CHODL: variants seen among roughly 807,000 people sequenced by gnomAD.
CHODL encodes transmembrane protein MT75.
A neutral mutation model predicts 34.5 loss-of-function variants in CHODL; 29 were observed. That is an observed-to-expected ratio of 0.84 (90% CI 0.63 to 1.15). CHODL has a LOEUF of 1.15. CHODL is among the 50% of genes most tolerant of loss of function. The pLI is 0.00. For synonymous variants in CHODL, 125 were observed against 116.1 expected (o/e 1.08, Z -0.49); for missense variants, 332 against 332.5 (o/e 1.00, Z 0.01).
chr21:18,254,517 C>T (rs1156502498), intron 1 of CHODL, among the ~76,000 whole-genome samples: 1 of 152,004 alleles, frequency 6.6e-6, no homozygotes, highest in Non-Finnish European at 1.5e-5. Flanking sequence ...CAGAGGTGAA[C>T]AAAAGCAGAA....
intron 2 of CHODL, among the ~76,000 whole-genome samples, chr21:18,233,400 G>C (rs1426210450): frequency 6.6e-6 from 1 of 152,014 alleles, no homozygotes; most frequent in South Asian, 2.1e-4. Context: ...ACATCCTTTT[G>C]CTGCAATTTC....
intron 2 of CHODL, among the ~76,000 whole-genome samples, chr21:18,090,832 A>G (rs2065064553): frequency 6.6e-6 from 1 of 152,056 alleles, no homozygotes; most frequent in South Asian, 2.1e-4. Flanking sequence ...CCACTGATGG[A>G]ACACCAAATT....
upstream of CHODL, among the ~76,000 whole-genome samples, chr21:18,240,991 G>A (rs2074076694): frequency 6.6e-6 from 1 of 152,116 alleles, no homozygotes; most frequent in South Asian, 2.1e-4. Flanking sequence ...CCCCTAGACA[G>A]CCCTGCAAAA....
chr21:18,087,423 T>C (rs1465249911), intron 2 of CHODL, among the ~76,000 whole-genome samples: 1 of 152,134 alleles, frequency 6.6e-6, no homozygotes, highest in African/African-American at 2.4e-5. Flanking sequence ...ACCTTGGGCA[T>C]GTGACAAGAG....
At chr21:18,091,387 A>G (rs1156316961) in intron 2 of CHODL, among the ~76,000 whole-genome samples, 1 of 152,196 alleles carries the variant, frequency 6.6e-6, no homozygotes, top group African/African-American at 2.4e-5. Flanking sequence ...AGGTATGGTT[A>G]AGGAAGGGCT....
intron 1 of CHODL, among the ~76,000 whole-genome samples, chr21:17,999,920 T>C (rs1167080756): frequency 6.6e-6 from 1 of 152,200 alleles, no homozygotes; most frequent in African/African-American, 2.4e-5. Flanking sequence ...CTGAGCCTTT[T>C]AAAGTTAATT....
chr21:18,251,923 A>G (rs9975042), intron 1 of CHODL, among the ~76,000 whole-genome samples: 19,728 of 151,428 alleles, frequency 0.13, 1,396 homozygotes, highest in African/African-American at 0.18. Context: ...ATATGTACCC[A>G]TGAACTTAAA....
chr21:17,998,512 C>A (rs2063873339), intron 1 of CHODL, among the ~76,000 whole-genome samples: 1 of 152,254 alleles, frequency 6.6e-6, no homozygotes, highest in African/African-American at 2.4e-5. Context: ...ACTGCCCTAG[C>A]AGATGTTCTT....
At chr21:18,251,158 A>C (rs115871023) in intron 1 of CHODL, among the ~76,000 whole-genome samples, 1 of 151,180 alleles carries the variant, frequency 6.6e-6, no homozygotes, top group Non-Finnish European at 1.5e-5. Context: ...TGCCAAGAGC[A>C]TTTAAACCTC....
At chr21:17,923,908 G>C (rs760654382) in intron 1 of CHODL, among the ~76,000 whole-genome samples, 1 of 152,244 alleles carries the variant, frequency 6.6e-6, no homozygotes, top group Non-Finnish European at 1.5e-5. Context: ...ACTTACTTGA[G>C]TTTTGAAACA....
intron 2 of CHODL, among the ~76,000 whole-genome samples, chr21:18,159,430 G>T (rs1378571384): frequency 6.6e-6 from 1 of 151,942 alleles, no homozygotes; most frequent in Non-Finnish European, 1.5e-5. Context: ...TTCTAAAGAT[G>T]CGGTATTAAA....
chr21:18,264,581 G>A (rs144336028), intron 5 of CHODL, among the ~76,000 whole-genome samples: 31 of 139,396 alleles, frequency 2.2e-4, no homozygotes, highest in African/African-American at 7.1e-4. Flanking sequence ...CAGCCTGGGC[G>A]ACAGAGTGAG....
chr21:18,179,150 C>T (rs1267273005), intron 2 of CHODL, among the ~76,000 whole-genome samples: 2 of 152,078 alleles, frequency 1.3e-5, no homozygotes, highest in African/African-American at 4.8e-5. Context: ...TTGAAAACCG[C>T]CATTTGTGGA....
chr21:18,145,699 C>G (rs1232957616), intron 2 of CHODL, among the ~76,000 whole-genome samples: 2 of 152,108 alleles, frequency 1.3e-5, no homozygotes, highest in Non-Finnish European at 2.9e-5. Context: ...TAAAGAATCT[C>G]AGAAGCTTCC....
At chr21:18,007,739 C>G (rs921482212) in intron 1 of CHODL, among the ~76,000 whole-genome samples, 5 of 152,098 alleles carry the variant, frequency 3.3e-5, no homozygotes, top group Non-Finnish European at 7.4e-5. Context: ...AAGAAACTTC[C>G]TGGAAGGTTT....
intron 2 of CHODL, among the ~76,000 whole-genome samples, chr21:18,207,742 T>A (rs1471565394): frequency 6.6e-6 from 1 of 150,514 alleles, no homozygotes; most frequent in Non-Finnish European, 1.5e-5. Context: ...TATAGTATTA[T>A]AGGATAAAAT....
intron 2 of CHODL, among the ~76,000 whole-genome samples, chr21:18,120,886 C>G (rs1381141847): frequency 6.6e-6 from 1 of 151,958 alleles, no homozygotes; most frequent in Non-Finnish European, 1.5e-5. Context: ...TAGTCACCAC[C>G]AAGAATAATG....
At chr21:18,263,198 G>A (rs1382832989) in intron 5 of CHODL, among the ~76,000 whole-genome samples, 1 of 152,048 alleles carries the variant, frequency 6.6e-6, no homozygotes, top group African/African-American at 2.4e-5. Flanking sequence ...AAATTTGGAT[G>A]TTTGTAAACT....
At chr21:18,237,276 G>A (rs567923855) in intron 2 of CHODL, among the ~76,000 whole-genome samples, 4 of 152,032 alleles carry the variant, frequency 2.6e-5, no homozygotes, top group Non-Finnish European at 5.9e-5. Flanking sequence ...ATCTATCTAG[G>A]AATATACATC....
Sources: allele counts gnomAD v4.1 joint callset (sites outside exome capture counted in the v4.1 genomes callset), GRCh38; gene constraint gnomAD v4.1.1; transcripts MANE v1.5; gene names NCBI Gene and HGNC (gene_info 2026-07-23, HGNC 2026-07-21).